The following FGL1 variants were observed in gnomAD, a reference collection of about 807,000 sequenced individuals.
The protein encoded by FGL1 is fibrinogen like 1, also known as fibrinogen-like protein 1.
A neutral mutation model predicts 43.7 loss-of-function variants in FGL1; 59 were observed. That is an observed-to-expected ratio of 1.35 (90% confidence interval 1.10 to 1.68). FGL1 has a LOEUF of 1.68. FGL1 is among the 40% of genes most tolerant of loss of function. FGL1 has a pLI of 0.00. For synonymous variants in FGL1, 192 were observed against 126.5 expected (o/e 1.52, Z -3.48); for missense variants, 596 against 373.0 (o/e 1.60, Z -4.92).
intron 5 of FGL1, among the ~76,000 whole-genome samples, chr8:17,870,490 T>C (rs993767501): frequency 6.6e-6 from 1 of 152,186 alleles, no homozygotes; most frequent in Non-Finnish European, 1.5e-5. Context: ...CTCACTTTCC[T>C]TGGAGTTTCA....
intron 3 of FGL1, among the ~76,000 whole-genome samples, chr8:17,878,586 T>C (rs987934087): frequency 6.6e-6 from 1 of 152,150 alleles, no homozygotes; most frequent in Non-Finnish European, 1.5e-5. Flanking sequence ...CACAGTAACC[T>C]TTTAATTCAT....
intron 1 of FGL1, chr8:17,891,290 C>T (rs1284048151): frequency 6.6e-6 from 1 of 152,148 alleles, no homozygotes; most frequent in Non-Finnish European, 1.5e-5. Flanking sequence ...TCAAGAAGAA[C>T]AGGGCCATAC....
In FGL1 at chr8:17,894,712, C is replaced by A. The variant is rs1443171203; in HGVS notation, c.-18+735G>T. ...AAAACCAACAAACAAACGACAACAA[C>A]AAAAAACGCCTAGAGCTTAAAAAAG... On this transcript the variant is annotated intron_variant, in intron 1 of 7. Transcript: ENST00000427924. 5.5e-5 allele frequency among the ~76,000 whole-genome samples: 8 copies of A among 146,344 alleles called. 2 individuals are homozygous for A. The highest frequency in any genetic ancestry group is 2.2e-4 in the African/African-American group (8 of 37,050).
intron 3 of FGL1, among the ~76,000 whole-genome samples, chr8:17,876,375 C>T (rs1445460421): frequency 6.6e-6 from 1 of 152,010 alleles, no homozygotes; most frequent in Non-Finnish European, 1.5e-5. Context: ...AAAGAAAGAA[C>T]CTTAGTCATT....
chr8:17,878,609 C>A (rs2053491048), intron 3 of FGL1, among the ~76,000 whole-genome samples: 1 of 152,024 alleles, frequency 6.6e-6, no homozygotes, highest in Non-Finnish European at 1.5e-5. Flanking sequence ...TCCGCTAGCA[C>A]CCAAATTCTT....
intron 1 of FGL1, 199 bp from the exon 2 acceptor site, chr8:17,885,770 G>C (rs542439985): frequency 3.3e-5 from 17 of 510,512 alleles, no homozygotes; most frequent in African/African-American, 2.7e-4. Context: ...AATTGAATCT[G>C]TTTCATCACA....
intron 5 of FGL1, among the ~76,000 whole-genome samples, chr8:17,873,663 T>C (rs933502839): frequency 2.7e-5 from 4 of 146,966 alleles, no homozygotes; most frequent in Non-Finnish European, 4.5e-5. Flanking sequence ...AAGTAGAATA[T>C]ATATATATTC....
At chr8:17,869,605 A>G (rs1310161534) in intron 5 of FGL1, among the ~76,000 whole-genome samples, 1 of 152,226 alleles carries the variant, frequency 6.6e-6, no homozygotes, top group African/African-American at 2.4e-5. Context: ...CTGGCTCATA[A>G]GATCAAGAGA....
At chr8:17,887,675 A>T (rs1190012113) in intron 1 of FGL1, among the ~76,000 whole-genome samples, 1 of 152,066 alleles carries the variant, frequency 6.6e-6, no homozygotes, top group Non-Finnish European at 1.5e-5. Flanking sequence ...TCTCTATAAA[A>T]ATACAAAAAA....
chr8:17,879,764 C>T (rs985590067), intron 3 of FGL1, among the ~76,000 whole-genome samples: 2 of 151,924 alleles, frequency 1.3e-5, no homozygotes, highest in Non-Finnish European at 1.5e-5. Context: ...TCATTCATTT[C>T]GTTATAGCGG....
chr8:17,893,369 T>C (rs951360052), intron 1 of FGL1, among the ~76,000 whole-genome samples: 1 of 151,424 alleles, frequency 6.6e-6, no homozygotes, highest in African/African-American at 2.4e-5. Context: ...ACACTGTATA[T>C]ATACGTATAT....
intron 5 of FGL1, among the ~76,000 whole-genome samples, chr8:17,872,444 A>G (rs1435650218): frequency 2.0e-5 from 3 of 152,060 alleles, no homozygotes; most frequent in Non-Finnish European, 2.9e-5. Context: ...CTGGGATTAC[A>G]GTGCTGTGCC....
intron 3 of FGL1, among the ~76,000 whole-genome samples, chr8:17,875,625 G>C (rs1241413656): frequency 6.9e-6 from 1 of 145,276 alleles, no homozygotes; most frequent in Non-Finnish European, 1.5e-5. Context: ...TTTCCTTTGA[G>C]ACAGAGTCTT....
In FGL1 at chr8:17,868,755, C is replaced by G. The variant is rs757715533; in HGVS notation, c.592-20G>C. On this transcript the variant is annotated intron_variant, in intron 6 of 7. Transcript: ENST00000427924. ...GAAATTCTAAAGAAAAAGGGCATTT[C>G]TGCTGTCAGTGGAGTTCCTCTATGA... 2 of 1,601,466 alleles carry G rather than the reference C, an allele frequency of 1.2e-6. No homozygotes were observed. Among genetic ancestry groups the G allele is most frequent in the Non-Finnish European group, 1.7e-6 (2 of 1,173,434 alleles).
At chr8:17,865,034 C>T (rs945145966) in intron 7 of FGL1, among the ~76,000 whole-genome samples, 6 of 151,960 alleles carry the variant, frequency 3.9e-5, no homozygotes, top group African/African-American at 9.7e-5. Context: ...AATCCTCCTG[C>T]CTCAGCCTTC....
chr8:17,868,455 G>C, intron 7 of FGL1, 93 bp downstream of exon 7: 2 of 921,428 alleles, frequency 2.2e-6, no homozygotes, highest in Non-Finnish European at 1.5e-6. Context: ...TATAAATAAA[G>C]ACTAACATTA....
intron 5 of FGL1, among the ~76,000 whole-genome samples, chr8:17,873,093 A>G (rs144395031): frequency 6.6e-6 from 1 of 152,124 alleles, no homozygotes; most frequent in African/African-American, 2.4e-5. Flanking sequence ...ATAGTGTTTT[A>G]TTGGAAAAAT....
rs148604321 is a variant in FGL1 at position 17,872,651 on chromosome 8, A to G, written c.502+1368T>C. Among the ~76,000 whole-genome samples, 196 of 152,178 alleles carry G rather than the reference A, an allele frequency of 1.3e-3. 1 individual carries two copies. The highest frequency in any genetic ancestry group is 4.5e-3 in the African/African-American group (186 of 41,530). ...TGTAACTTAGCATGCTTTTTTGGGC[A>G]TTACAGTTGCCTTTTATGAAGGATT... On this transcript the variant is annotated intron_variant, in intron 5 of 7. Coordinates refer to ENST00000427924, the MANE Select transcript of FGL1 (RefSeq NM_004467.4).
At chr8:17,879,112 A>AT (rs945330091) in intron 3 of FGL1, among the ~76,000 whole-genome samples, 17 of 151,330 alleles carry the variant, frequency 1.1e-4, no homozygotes, top group Non-Finnish European at 2.1e-4. Flanking sequence ...CTGAATTCTG[A>AT]TTTTTTTGGC....
Sources: allele counts gnomAD v4.1 joint callset (sites outside exome capture counted in the v4.1 genomes callset), GRCh38; gene constraint gnomAD v4.1.1; transcripts MANE v1.5; gene names NCBI Gene and HGNC (gene_info 2026-07-23, HGNC 2026-07-21).